Variants in PTPRG observed in about 807,000 individuals in gnomAD.
PTPRG encodes the protein protein tyrosine phosphatase receptor type G.
In PTPRG, 102 loss-of-function variants were observed where a neutral mutation model predicts 165.3. The observed-to-expected ratio is 0.62, with a 90% confidence interval of 0.53 to 0.73. PTPRG has a LOEUF of 0.73. Ranked by LOEUF, PTPRG falls within the 30% of genes least tolerant of loss-of-function variation. The pLI, the probability that PTPRG is intolerant of heterozygous loss-of-function variation, is 0.00. For synonymous variants in PTPRG, 675 were observed against 669.5 expected, an observed-to-expected ratio of 1.01 and a Z score of -0.13; for missense variants, 1,866 against 1,861.4, an observed-to-expected ratio of 1.00 and a Z score of -0.05.
At chr3:62,137,902 A>C (rs540242673) in intron 6 of PTPRG, among the ~76,000 whole-genome samples, 1 of 152,168 alleles carries the variant, frequency 6.6e-6, no homozygotes, top group East Asian at 1.9e-4. Flanking sequence ...TACTGTTCCA[A>C]TTTGCTTCAA....
intron 1 of PTPRG, among the ~76,000 whole-genome samples, chr3:61,699,257 C>G (rs1161909094): frequency 6.6e-6 from 1 of 152,010 alleles, no homozygotes; most frequent in Non-Finnish European, 1.5e-5. Flanking sequence ...AATTATTTTT[C>G]AAAACAAATT....
At chr3:61,743,282 T>G (rs968799033) in intron 1 of PTPRG, among the ~76,000 whole-genome samples, 2 of 152,168 alleles carry the variant, frequency 1.3e-5, no homozygotes, top group African/African-American at 4.8e-5. Flanking sequence ...AGCAACCAAC[T>G]TGACTTAAGA....
At position 62,267,407 on chromosome 3, in the gene PTPRG, T is replaced by C. The variant is rs773087399; in HGVS notation, c.2657-3T>C. Reference sequence around the variant, plus strand: ...TTCTGTTTTTTTTTCTTATCTTCTATAGATGATCACAGTAGGGTGAAGTTA... The same window carrying C: ...TTCTGTTTTTTTTTCTTATCTTCTACAGATGATCACAGTAGGGTGAAGTTA... On this transcript the variant is annotated splice_region_variant and splice_polypyrimidine_tract_variant and intron_variant, in intron 17 of 29. Coordinates refer to ENST00000474889, the MANE Select transcript of PTPRG (RefSeq NM_002841.4). The C allele has an allele frequency of 1.3e-6, 2 of 1,589,056 alleles. No individual in the cohort carries two copies. Among genetic ancestry groups the C allele is most frequent in the Non-Finnish European group, 1.7e-6 (2 of 1,163,038 alleles).
At chr3:62,256,185 A>C (rs764280909) in intron 16 of PTPRG, among the ~76,000 whole-genome samples, 60 of 152,178 alleles carry the variant, frequency 3.9e-4, no homozygotes, top group Non-Finnish European at 7.4e-4. Context: ...GTTACAGGGC[A>C]AAATGAAGTA....
intron 2 of PTPRG, among the ~76,000 whole-genome samples, chr3:61,789,677 C>A (rs1400560514): frequency 6.6e-6 from 1 of 152,066 alleles, no homozygotes; most frequent in Non-Finnish European, 1.5e-5. Context: ...ATCAATGTGT[C>A]TGTATTTAAG....
At chr3:62,155,061 A>T (rs1704485256) in intron 6 of PTPRG, among the ~76,000 whole-genome samples, 1 of 152,252 alleles carries the variant, frequency 6.6e-6, no homozygotes, top group Non-Finnish European at 1.5e-5. Flanking sequence ...CCAGGTTTAA[A>T]TTAAAGCCCA....
intron 7 of PTPRG, among the ~76,000 whole-genome samples, chr3:62,158,258 G>A (rs920176202): frequency 6.6e-6 from 1 of 152,202 alleles, no homozygotes; most frequent in African/African-American, 2.4e-5. Flanking sequence ...GGAGGGACAT[G>A]TTAGTTGTGC....
chr3:62,260,282 T>C (rs960891496), intron 16 of PTPRG, among the ~76,000 whole-genome samples: 3 of 152,242 alleles, frequency 2.0e-5, no homozygotes, highest in South Asian at 2.1e-4. Flanking sequence ...GCTACCTTTT[T>C]GGAACTGAGC....
rs865875033 is a variant in PTPRG, at chr3:62,061,751, C to T, written c.520-16412C>T. Among the ~76,000 whole-genome samples the T allele has an allele frequency of 2.2e-4, 33 of 150,802 alleles. 1 individual carries two copies. Among genetic ancestry groups the T allele is most frequent in the South Asian group, 8.6e-4 (4 of 4,654 alleles). Reference sequence around the variant, plus strand: ...TTCAGCGATTCTCCTGCCTCAGCCTCCTGGGTAGCTGGGATTATAGGCGCC... The same window carrying T: ...TTCAGCGATTCTCCTGCCTCAGCCTTCTGGGTAGCTGGGATTATAGGCGCC... On this transcript the variant is annotated intron_variant, in intron 4 of 29. Transcript: ENST00000474889.
intron 2 of PTPRG, among the ~76,000 whole-genome samples, chr3:61,840,770 T>G (rs865888221): frequency 2.5e-5 from 3 of 121,336 alleles, no homozygotes; most frequent in Non-Finnish European, 4.8e-5. Context: ...ATGGAGTTTT[T>G]TTTGTTTGTT....
intron 8 of PTPRG, among the ~76,000 whole-genome samples, chr3:62,182,688 T>A (rs888560567): frequency 2.0e-5 from 3 of 152,116 alleles, no homozygotes; most frequent in African/African-American, 7.2e-5. Flanking sequence ...TGAGATGGAG[T>A]CTCGCTCTGT....
At chr3:61,876,202 G>A (rs1041376770) in intron 2 of PTPRG, among the ~76,000 whole-genome samples, 1 of 152,122 alleles carries the variant, frequency 6.6e-6, no homozygotes, top group African/African-American at 2.4e-5. Context: ...TCAGATTGAG[G>A]GATATTCTAC....
At chr3:62,243,775 AT>A (rs771175104) in intron 14 of PTPRG, 31 bp from the exon 15 acceptor site, 1 of 1,319,218 alleles carries the variant, frequency 7.6e-7, no homozygotes, top group Non-Finnish European at 1.1e-6. Context: ...AGTATATTCT[AT>A]TATTGACATG....
chr3:61,824,945 A>G (rs563388597), intron 2 of PTPRG, among the ~76,000 whole-genome samples: 40 of 152,324 alleles, frequency 2.6e-4, no homozygotes, highest in African/African-American at 8.4e-4. Flanking sequence ...CCTTGTGGAT[A>G]TGTGTTCCTT....
chr3:62,136,025 A>G (rs912681067), intron 6 of PTPRG, among the ~76,000 whole-genome samples: 4 of 152,156 alleles, frequency 2.6e-5, no homozygotes, highest in African/African-American at 7.2e-5. Flanking sequence ...CAGTTCAACA[A>G]GCTCCTCACA....
intron 2 of PTPRG, among the ~76,000 whole-genome samples, chr3:61,945,051 T>C (rs2039722943): frequency 1.3e-5 from 2 of 152,182 alleles, no homozygotes; most frequent in South Asian, 4.1e-4. Context: ...TGTCGTCTTT[T>C]CTCCACTCTG....
chr3:62,127,624 G>A (rs1285443816), intron 5 of PTPRG, among the ~76,000 whole-genome samples: 1 of 152,156 alleles, frequency 6.6e-6, no homozygotes, highest in Non-Finnish European at 1.5e-5. Flanking sequence ...GATGTTTATG[G>A]AACTAAAGGA....
intron 2 of PTPRG, among the ~76,000 whole-genome samples, chr3:61,943,350 A>G (rs1286294058): frequency 6.6e-6 from 1 of 152,174 alleles, no homozygotes; most frequent in African/African-American, 2.4e-5. Flanking sequence ...GCACTTTGGG[A>G]GGCTGAGGCA....
At chr3:61,813,349 GA>G (rs1009857058) in intron 2 of PTPRG, among the ~76,000 whole-genome samples, 2 of 123,876 alleles carry the variant, frequency 1.6e-5, no homozygotes, top group South Asian at 2.9e-4. Context: ...AAAAAAAATA[GA>G]AAAAAAATAG....
Sources: allele counts gnomAD v4.1 joint callset (sites outside exome capture counted in the v4.1 genomes callset), GRCh38; gene constraint gnomAD v4.1.1; transcripts MANE v1.5; gene names NCBI Gene and HGNC (gene_info 2026-07-23, HGNC 2026-07-21).